CIC: variants seen among roughly 807,000 people sequenced by gnomAD.
CIC encodes the protein protein capicua homolog.
Under a neutral mutation model 115.7 loss-of-function variants are expected in CIC, and 18 were observed. That is an observed-to-expected ratio of 0.16 (90% CI 0.11 to 0.23). The LOEUF (loss-of-function observed/expected upper bound fraction) is 0.23. CIC is among the 10% of genes least tolerant of loss of function. The pLI, the probability that CIC is intolerant of heterozygous loss-of-function variation, is 1.00. For synonymous variants in CIC, 1,076 were observed against 923.0 expected (o/e 1.17, Z -3.01); for missense variants, 2,000 against 2,159.3 (o/e 0.93, Z 1.46).
rs772459433 is a variant in CIC, at chr19:42,291,457, C to A, written c.5416C>A (p.Pro1806Thr). The change falls in exon 11 of 21, where the codon CCC becomes ACC. Residue 1806 changes from proline (P) to threonine (T), a missense_variant. By Grantham distance (38) the Pro-to-Thr change is conservative (BLOSUM62 -1). This residue lies in a region of CIC where 1,466 missense variants were observed against 1,390.4 expected (regional missense o/e 1.05). Coordinates refer to ENST00000681038, the MANE Select transcript of CIC (RefSeq NM_001386298.1). ...CCTGCAGTCTGTACCCTCCGCCCCA[C>A]CCCCCAAAGGTGAGACCTGGGCCGG... ...PILQSVPSAPPPKAQSVSPVQ... is the reference protein window; with the variant it reads ...PILQSVPSAPTPKAQSVSPVQ... 3 of 1,612,816 alleles carry A rather than the reference C, an allele frequency of 1.9e-6. No individual in the cohort carries two copies. Among genetic ancestry groups the A allele is most frequent in the Non-Finnish European group, 2.5e-6 (3 of 1,179,962 alleles).
At chr19:42,284,426 A>ACGGCG (rs1365265902) in intron 2 of CIC, 1 of 141,836 alleles carries the variant, frequency 7.1e-6, no homozygotes, top group Non-Finnish European at 1.5e-5. Context: ...GCGCCCCGTG[A>ACGGCG]CGGCCCCCGC....
rs566004190 is a variant in CIC, at chr19:42,290,286, C to T, written c.4245C>T (p.Cys1415=). The T allele has an allele frequency of 1.5e-5, 25 of 1,614,062 alleles. 2 individuals carry two copies. In the South Asian group the frequency reaches 2.5e-4, roughly 16 times the overall value. The change falls in exon 11 of 21, where the codon TGC becomes TGT. Residue 1415 remains cysteine, a synonymous_variant. Coordinates refer to ENST00000681038, the MANE Select transcript of CIC (RefSeq NM_001386298.1). ...SPVIRSSFTH[C]RPPLDPEPPG... Reference sequence around the variant, plus strand: ...TGATCCGTTCCTCCTTTACCCACTGCCGCCCCCCACTGGACCCTGAGCCCC... The same window carrying T: ...TGATCCGTTCCTCCTTTACCCACTGTCGCCCCCCACTGGACCCTGAGCCCC...
chr19:42,284,616 C>T, intron 2 of CIC: 4 of 888,178 alleles, frequency 4.5e-6, no homozygotes, highest in Non-Finnish European at 4.9e-6. Context: ...CGGGCCCAAG[C>T]GGCGACGGCC....
At chr19:42,294,524 G>A (rs2038376900) in intron 19 of CIC, 80 bp from the exon 20 acceptor site, 2 of 1,600,022 alleles carry the variant, frequency 1.2e-6, no homozygotes, top group Admixed American at 3.3e-5. Context: ...ATGCAGTGAG[G>A]GCTTGGGTGG....
chr19:42,288,810 T>C, intron 7 of CIC, 78 bp from the exon 8 acceptor site: 2 of 1,320,204 alleles, frequency 1.5e-6, no homozygotes, highest in Non-Finnish European at 2.2e-6. Context: ...TACCTAGAAA[T>C]ATCTATGGGT....
rs953562750 is a variant in CIC, at chr19:42,270,005, T to C, written c.-11+624T>C. Among the ~76,000 whole-genome samples, 1 of 151,160 alleles carries C rather than the reference T, an allele frequency of 6.6e-6. No homozygotes were observed. Reference sequence around the variant, plus strand: ...TCAGACAGGGTGGACAGGAAGAGAGTAGGCCCTAGGGGAAAGAAAGCAGCT... The same window carrying C: ...TCAGACAGGGTGGACAGGAAGAGAGCAGGCCCTAGGGGAAAGAAAGCAGCT... On this transcript the variant is annotated intron_variant, in intron 1 of 20. Coordinates refer to ENST00000681038, the MANE Select transcript of CIC (RefSeq NM_001386298.1). The surrounding 1 kb of genome is among the most constrained non-coding windows in gnomAD (Gnocchi z 4.1).
Position 42,290,058 on chromosome 19 carries a change from C to T in CIC, c.4191+107C>T, listed in dbSNP as rs958386767. On this transcript the variant is annotated intron_variant, in intron 10 of 20. Coordinates refer to ENST00000681038, the MANE Select transcript of CIC (RefSeq NM_001386298.1). ...GGGGGAGATTAAGGTCCAGAGAGGG[C>T]AAGCTGCTTGCCCCGTGGGGAGTTG... The T allele has an allele frequency of 1.0e-4, 139 of 1,381,568 alleles. 1 individual carries two copies. Among genetic ancestry groups the T allele is most frequent in the Middle Eastern group, 8.8e-4 (4 of 4,562 alleles). 85.6% of individuals were successfully genotyped at this position (1,381,568 alleles called of 1,614,324 possible).
intron 2 of CIC, among the ~76,000 whole-genome samples, chr19:42,276,670 G>A (rs1167229952): frequency 1.3e-5 from 2 of 152,150 alleles, no homozygotes; most frequent in African/African-American, 2.4e-5. Context: ...TGTTATAGGT[G>A]GTACAAGCAA....
In CIC at chr19:42,292,873, C is replaced by A; in HGVS notation, c.6196+14C>A. On this transcript the variant is annotated intron_variant, in intron 15 of 20. Coordinates refer to ENST00000681038, the MANE Select transcript of CIC (RefSeq NM_001386298.1). ...CCAGCGCCACAGGTAGGTGTCAGAT[C>A]AACCCAGAGCAGAGTGAGTTGGGGG... The A allele has an allele frequency of 6.2e-7, 1 of 1,613,868 alleles. No individual in the cohort carries two copies. The highest frequency in any genetic ancestry group is 1.1e-5 in the South Asian group (1 of 91,086).
chr19:42,295,044 C>A lies in CIC; in HGVS notation c.7407C>A (p.Thr2469=). Residue 2469 remains threonine, a synonymous_variant, in exon 21 of 21, where the codon ACC becomes ACA. Transcript: ENST00000681038. ...GCCCCGCAGGGGGCCCTGACCCCAC[C>A]TCACCCAGCTCGGACTCTGGCACGG... ...TPSPAGGPDP[T]SPSSDSGTAQ... is the part of the protein sequence containing the mutation. 6.5e-7 allele frequency: 1 copy of A among 1,549,562 alleles called. No individual in the cohort carries two copies. Among genetic ancestry groups the A allele is most frequent in the Non-Finnish European group, 8.7e-7 (1 of 1,154,188 alleles).
chr19:42,289,672 C>T (rs1472280485), intron 9 of CIC, among the ~76,000 whole-genome samples, 176 bp from the exon 10 acceptor site: 1 of 152,176 alleles, frequency 6.6e-6, no homozygotes. Flanking sequence ...CTCATAGGCT[C>T]CTGCACTGGG....
At position 42,272,984 on chromosome 19, in the gene CIC, G is replaced by A. The variant is rs1568486237; in HGVS notation, c.1201G>A (p.Glu401Lys). ...GNLGTHCEEG[E>K]EKHPPALGTP... is the part of the protein sequence containing the mutation. ...CCTGGGTACTCACTGTGAGGAGGGC[G>A]AGGAGAAGCACCCTCCAGCCCTGGG... The change falls in exon 2 of 21, where the codon GAG becomes AAG. Residue 401 changes from glutamate to lysine, a missense_variant. By Grantham distance (56) the Glu-to-Lys change is moderately conservative. Transcript: ENST00000681038. 7.5e-6 allele frequency: 3 copies of A among 398,866 alleles called. No homozygotes were observed. Among genetic ancestry groups the A allele is most frequent in the African/African-American group, 4.1e-5 (2 of 48,608 alleles). 24.7% of individuals were successfully genotyped at this position (398,866 alleles called of 1,614,324 possible). A position where few individuals can be genotyped will look rare whatever the true frequency, so the allele number is the denominator to read the frequency against.
chr19:42,294,954 A>C lies in CIC; in HGVS notation c.7317A>C (p.Gly2439=), dbSNP rs1447804915. Residue 2439 remains glycine, a synonymous_variant, in exon 21 of 21, where the codon GGA becomes GGC. Coordinates refer to ENST00000681038, the MANE Select transcript of CIC (RefSeq NM_001386298.1). ...QAATPTEQPP[G]AEAPLPVPPP... is the part of the protein sequence containing the mutation. ...CCACTCCCACGGAGCAGCCCCCTGG[A>C]GCTGAGGCTCCTCTCCCTGTACCGC... 6.2e-7 allele frequency: 1 copy of C among 1,600,210 alleles called. No individual in the cohort carries two copies. Among genetic ancestry groups the C allele is most frequent in the South Asian group, 1.1e-5 (1 of 91,074 alleles).
At position 42,289,136 on chromosome 19, in the gene CIC, C is replaced by T. The variant is rs769884609; in HGVS notation, c.3862-45C>T. On this transcript the variant is annotated intron_variant, in intron 8 of 20. Transcript: ENST00000681038. ...AGTGGGGGTGGGCAGGGAACCTGTC[C>T]AGGGCAGCAGCCCCGCTGAACCCTC... 5 of 1,613,092 alleles carry T rather than the reference C, an allele frequency of 3.1e-6. No homozygotes were observed. In the African/African-American group the frequency reaches 6.7e-5, roughly 22 times the overall value.
intron 1 of CIC, among the ~76,000 whole-genome samples, chr19:42,269,825 A>G (rs77509885): frequency 0.061 from 9,313 of 151,694 alleles, 360 homozygotes; most frequent in South Asian, 0.16. Flanking sequence ...TGACAGGATG[A>G]GAGAGAGAGT....
rs751173226 is a variant in CIC at position 42,292,331 on chromosome 19, G to A, written c.5767G>A (p.Ala1923Thr). The stretch of plus-strand genomic sequence containing the variant: ...CTATGTGCAGTCAGCGGGCGGGCAC[G>A]CGCTGCCCCTGGGTACCAGCCCTGC... ...ITYVQSAGGH[A>T]LPLGTSPASS... Residue 1923 changes from alanine to threonine, a missense_variant, in exon 14 of 21, where the codon GCG becomes ACG. By Grantham distance (58) the Ala-to-Thr change is moderately conservative. This residue lies in a region of CIC where 1,466 missense variants were observed against 1,390.4 expected (regional missense o/e 1.05). Transcript: ENST00000681038. 21 of 1,612,974 alleles carry A rather than the reference G, an allele frequency of 1.3e-5. No individual in the cohort carries two copies. The highest frequency in any genetic ancestry group is 2.7e-5 in the African/African-American group (2 of 74,916).
intron 12 of CIC, 55 bp downstream of exon 12, chr19:42,291,800 TTTC>T: frequency 1.3e-6 from 2 of 1,598,892 alleles, no homozygotes; most frequent in African/African-American, 1.3e-5. Context: ...TACCCCATCA[TTTC>T]TTTGTCTTTT....
Position 42,292,121 on chromosome 19 carries a change from C to T in CIC, c.5649C>T (p.Pro1883=), listed in dbSNP as rs1476730356. 4 of 1,614,020 alleles carry T rather than the reference C, an allele frequency of 2.5e-6. No individual in the cohort carries two copies. In the South Asian group the frequency reaches 3.3e-5, roughly 13 times the overall value. Residue 1883 remains proline, a synonymous_variant, in exon 13 of 21, where the codon CCC becomes CCT. Transcript: ENST00000681038. ...TGACCCCGGTGCCTGTGAGCACACC[C>T]AGCGGCCTGGTGCCGCCCCTGAGCC... ...IQLTPVPVST[P]SGLVPPLSPA...
At chr19:42,268,763 A>G (rs529140820), upstream of CIC, among the ~76,000 whole-genome samples, 6 of 152,316 alleles carry the variant, frequency 3.9e-5, no homozygotes, top group South Asian at 8.3e-4. Flanking sequence ...AAGACGTGAG[A>G]AGACTACGGT....
Sources: allele counts gnomAD v4.1 joint callset (sites outside exome capture counted in the v4.1 genomes callset), GRCh38; gene constraint gnomAD v4.1.1; regional missense constraint gnomAD v4.1.1; non-coding constraint Gnocchi (gnomAD v3.1); transcripts MANE v1.5; gene names NCBI Gene and HGNC (gene_info 2026-07-23, HGNC 2026-07-21).